The following ZNF704 variants were observed in gnomAD, a reference collection of about 807,000 sequenced individuals.
The protein encoded by ZNF704 is glucocorticoid induced gene 1.
ZNF704 carries 10 observed loss-of-function variants against 44.7 expected under a neutral mutation model. The ratio of observed to expected loss-of-function variants is 0.22; its 90% confidence interval spans 0.14 to 0.38. ZNF704 has a LOEUF of 0.38. Among genes scored for constraint, ZNF704 ranks in the 10% least tolerant of loss-of-function variants. ZNF704 has a pLI of 1.00. For synonymous variants in ZNF704, 211 were observed against 207.6 expected (o/e 1.02, Z -0.14); for missense variants, 390 against 545.5 (o/e 0.71, Z 2.84).
intron 2 of ZNF704, among the ~76,000 whole-genome samples, chr8:80,703,407 C>A (rs573281048): frequency 6.6e-6 from 1 of 152,228 alleles, no homozygotes. Context: ...CCTCCCCATG[C>A]GAAGATCAGG....
chr8:80,834,988 G>A (rs1808535355), intron 1 of ZNF704, among the ~76,000 whole-genome samples: 1 of 152,106 alleles, frequency 6.6e-6, no homozygotes, highest in South Asian at 2.1e-4. Context: ...GTGTACTACA[G>A]CAAGTTTTAA....
rs1817642606 is a variant in ZNF704 at position 80,634,915 on chromosome 8, G to A, written c.*6451C>T. 6.6e-6 allele frequency: 1 copy of A among 152,216 alleles called. No individual in the cohort carries two copies. Among genetic ancestry groups the A allele is most frequent in the Admixed American group, 6.5e-5 (1 of 15,280 alleles). 9.4% of individuals were successfully genotyped at this position (152,216 alleles called of 1,614,324 possible). On this transcript the variant is annotated 3_prime_UTR_variant, in exon 9 of 9. Transcript: ENST00000327835. Reference sequence around the variant, plus strand: ...GGAGACATTCCAAGGAGTGAAAACAGAGATTTGCAAGACGCCTCATCTCAA... The same window carrying A: ...GGAGACATTCCAAGGAGTGAAAACAAAGATTTGCAAGACGCCTCATCTCAA...
At chr8:80,788,886 C>A (rs1807658226) in intron 2 of ZNF704, among the ~76,000 whole-genome samples, 1 of 152,164 alleles carries the variant, frequency 6.6e-6, no homozygotes, top group Admixed American at 6.5e-5. Context: ...CACTTAAAAA[C>A]AACTATGTAC....
At chr8:80,799,619 T>C (rs1807865672) in intron 2 of ZNF704, among the ~76,000 whole-genome samples, 1 of 151,918 alleles carries the variant, frequency 6.6e-6, no homozygotes, top group Admixed American at 6.6e-5. Context: ...ACAATGACAA[T>C]GACATCAACA....
chr8:80,709,698 C>G (rs932883495), intron 2 of ZNF704, among the ~76,000 whole-genome samples: 1 of 152,014 alleles, frequency 6.6e-6, no homozygotes, highest in Non-Finnish European at 1.5e-5. Flanking sequence ...CAGCCCGAGG[C>G]AATGGGGCAT....
intron 2 of ZNF704, among the ~76,000 whole-genome samples, chr8:80,693,617 T>C (rs913052178): frequency 6.6e-6 from 1 of 152,118 alleles, no homozygotes; most frequent in Non-Finnish European, 1.5e-5. Context: ...TGAGGTGAAC[T>C]GTGAAGGTCA....
intron 2 of ZNF704, among the ~76,000 whole-genome samples, chr8:80,772,252 T>A (rs1807333000): frequency 1.3e-5 from 2 of 152,220 alleles, no homozygotes; most frequent in Non-Finnish European, 2.9e-5. Context: ...ACTGTTCTCT[T>A]TTTATTTTTT....
At chr8:80,850,374 T>G (rs1209614305) in intron 1 of ZNF704, among the ~76,000 whole-genome samples, 1 of 152,154 alleles carries the variant, frequency 6.6e-6, no homozygotes, top group African/African-American at 2.4e-5. Flanking sequence ...AATACATGCA[T>G]GAGATAAAAA....
At chr8:80,726,530 T>C (rs1166225886) in intron 2 of ZNF704, among the ~76,000 whole-genome samples, 2 of 152,148 alleles carry the variant, frequency 1.3e-5, no homozygotes, top group Non-Finnish European at 1.5e-5. Flanking sequence ...TGGAGGTACA[T>C]ACTCAAAAGA....
chr8:80,795,718 CA>C (rs10612734), intron 2 of ZNF704, among the ~76,000 whole-genome samples: 91,198 of 113,788 alleles, frequency 0.8, 35,680 homozygotes, highest in East Asian at 0.95. Context: ...AACTCCATCT[CA>C]AAAAAAAAAA....
intron 2 of ZNF704, among the ~76,000 whole-genome samples, chr8:80,736,741 T>C (rs1806673265): frequency 6.6e-6 from 1 of 152,138 alleles, no homozygotes; most frequent in Non-Finnish European, 1.5e-5. Flanking sequence ...ATATTGGGTA[T>C]AGTGTACACT....
In ZNF704 at chr8:80,641,251, C is replaced by A. The variant is rs1418281798; in HGVS notation, c.*115G>T. 1 of 592,726 alleles carries A rather than the reference C, an allele frequency of 1.7e-6. No homozygotes were observed. Among genetic ancestry groups the A allele is most frequent in the East Asian group, 3.1e-5 (1 of 32,696 alleles). 36.7% of individuals were successfully genotyped at this position (592,726 alleles called of 1,614,324 possible). ...TATTCCTCCAAGGTTCCTGAAAGGG[C>A]TTTTCCTGGCTTCAACTGTGTTTTA... On this transcript the variant is annotated 3_prime_UTR_variant, in exon 9 of 9. Coordinates refer to ENST00000327835, the MANE Select transcript of ZNF704 (RefSeq NM_001033723.3).
intron 2 of ZNF704, among the ~76,000 whole-genome samples, chr8:80,783,751 A>G (rs927337284): frequency 6.6e-6 from 1 of 152,128 alleles, no homozygotes; most frequent in African/African-American, 2.4e-5. Flanking sequence ...TTATCACCCA[A>G]AGATCACAGT....
At chr8:80,837,101 T>C (rs1309999000) in intron 1 of ZNF704, among the ~76,000 whole-genome samples, 4 of 152,140 alleles carry the variant, frequency 2.6e-5, no homozygotes, top group Admixed American at 1.3e-4. Flanking sequence ...CTAAGGAGGA[T>C]AGATGCCAAG....
In ZNF704 at chr8:80,850,077, G is replaced by A. The variant is rs573798501; in HGVS notation, c.-22+24494C>T. 4.8e-4 allele frequency among the ~76,000 whole-genome samples: 73 copies of A among 152,126 alleles called. No homozygotes were observed. The South Asian group carries it at 0.014, about 29-fold the overall frequency. On this transcript the variant is annotated intron_variant, in intron 1 of 8. Coordinates refer to ENST00000327835, the MANE Select transcript of ZNF704 (RefSeq NM_001033723.3). ...CACACAAATTTATTATAATGTTGCT[G>A]GGTTTGTACTTTTATTTATATTTAC...
At chr8:80,665,858 T>C (rs1818182105) in intron 5 of ZNF704, among the ~76,000 whole-genome samples, 1 of 151,938 alleles carries the variant, frequency 6.6e-6, no homozygotes, top group Non-Finnish European at 1.5e-5. Context: ...GTAAGTTTCC[T>C]GAGACCTCCT....
chr8:80,819,524 G>A (rs1808232552), intron 2 of ZNF704, among the ~76,000 whole-genome samples: 2 of 150,474 alleles, frequency 1.3e-5, no homozygotes, highest in African/African-American at 4.9e-5. Context: ...GACACTAGAA[G>A]TCTAACTTTT....
intron 2 of ZNF704, among the ~76,000 whole-genome samples, chr8:80,790,247 C>T (rs1301186151): frequency 6.6e-6 from 1 of 152,154 alleles, no homozygotes; most frequent in Non-Finnish European, 1.5e-5. Flanking sequence ...TTAAGAACAC[C>T]TCAGGGGATT....
intron 4 of ZNF704, among the ~76,000 whole-genome samples, chr8:80,682,645 G>C (rs150461929): frequency 1.3e-5 from 2 of 152,216 alleles, no homozygotes; most frequent in African/African-American, 4.8e-5. Flanking sequence ...TGTGGGTCAG[G>C]GTGGAGGGTG....
Sources: allele counts gnomAD v4.1 joint callset (sites outside exome capture counted in the v4.1 genomes callset), GRCh38; gene constraint gnomAD v4.1.1; transcripts MANE v1.5; gene names NCBI Gene and HGNC (gene_info 2026-07-23, HGNC 2026-07-21).